LRRC56: variants seen among roughly 807,000 people sequenced by gnomAD.
LRRC56 encodes the protein leucine rich repeat containing 56, also known as leucine-rich repeat-containing protein 56.
LRRC56 carries 41 observed loss-of-function variants against 47.8 expected under a neutral mutation model. The ratio of observed to expected loss-of-function variants is 0.86; its 90% CI spans 0.67 to 1.11. The LOEUF is 1.11. LRRC56 is among the 50% of genes most tolerant of loss of function. The pLI, the probability that LRRC56 is intolerant of heterozygous loss-of-function variation, is 0.00. For synonymous variants in LRRC56, 387 were observed against 311.2 expected (o/e 1.24, Z -2.56); for missense variants, 759 against 704.2 (o/e 1.08, Z -0.88).
At position 551,818 on chromosome 11, in the gene LRRC56, C is replaced by T; in HGVS notation, c.964C>T (p.Leu322Phe). Reference protein sequence around the residue: ...DLAPEDNTSSLTHGAGQVLCG... With the variant: ...DLAPEDNTSSFTHGAGQVLCG... Reference sequence around the variant, plus strand: ...GGCCCCAGAAGATAACACCAGCAGCCTCACCCATGGTAACTGACTTGCCTC... The same window carrying T: ...GGCCCCAGAAGATAACACCAGCAGCTTCACCCATGGTAACTGACTTGCCTC... Residue 322 changes from leucine to phenylalanine, a missense_variant, in exon 10 of 14, where the codon CTC becomes TTC. Leu to Phe is a conservative substitution (Grantham distance 22). Coordinates refer to ENST00000270115, the MANE Select transcript of LRRC56 (RefSeq NM_198075.4). The T allele has an allele frequency of 1.2e-6, 2 of 1,607,130 alleles. No individual in the cohort carries two copies. The highest frequency in any genetic ancestry group is 1.7e-6 in the Non-Finnish European group (2 of 1,176,106).
chr11:541,686 A>G lies in LRRC56; in HGVS notation c.265+62A>G. ...GGCCACGCCTCCCTGTAAACAACAC[A>G]CGTTTCCTGGTTATGACGACAAAGC... On this transcript the variant is annotated intron_variant, in intron 5 of 13. Coordinates refer to ENST00000270115, the MANE Select transcript of LRRC56 (RefSeq NM_198075.4). The surrounding 1 kb of genome is among the most constrained non-coding windows in gnomAD (Gnocchi z 4.1). 9.6e-7 allele frequency: 1 copy of G among 1,041,768 alleles called. No individual in the cohort carries two copies. Among genetic ancestry groups the G allele is most frequent in the South Asian group, 1.6e-5 (1 of 61,864 alleles). The allele number at this position is 1,041,768 out of a possible 1,614,324, so 64.5% of individuals were successfully genotyped here.
the LRRC56 span, among the ~76,000 whole-genome samples, chr11:526,829 G>A: frequency 1.3e-5 from 2 of 151,932 alleles, no homozygotes; most frequent in Admixed American, 1.3e-4. Flanking sequence ...CCCAGCTACT[G>A]GGGAGGCTGA....
chr11:526,330 G>C, the LRRC56 span, among the ~76,000 whole-genome samples: 1 of 152,200 alleles, frequency 6.6e-6, no homozygotes, highest in African/African-American at 2.4e-5. Context: ...CCAGCCAACT[G>C]CAAACTGAAA....
Position 554,489 on chromosome 11 carries a change from G to A in LRRC56, c.*213G>A, listed in dbSNP as rs1852645794. 3 of 450,434 alleles carry A rather than the reference G, an allele frequency of 6.7e-6. No homozygotes were observed. Among genetic ancestry groups the A allele is most frequent in the Non-Finnish European group, 1.2e-5 (3 of 260,742 alleles). 27.9% of individuals were successfully genotyped at this position (450,434 alleles called of 1,614,324 possible). A position where few individuals can be genotyped will look rare whatever the true frequency, so the allele number is the denominator to read the frequency against. ...CAGTTTAGGCCCCCAACTGGGTTTG[G>A]CCTGGGGAGGGAGGGTCCGGCTCCC... On this transcript the variant is annotated 3_prime_UTR_variant, in exon 14 of 14. Coordinates refer to ENST00000270115, the MANE Select transcript of LRRC56 (RefSeq NM_198075.4).
intron 2 of LRRC56, among the ~76,000 whole-genome samples, chr11:539,267 A>G (rs540122831): frequency 6.7e-6 from 1 of 149,570 alleles, no homozygotes; most frequent in Admixed American, 6.7e-5. Context: ...TTGTATCTTT[A>G]GTAGAGATGG....
chr11:530,680 G>A, the LRRC56 span, among the ~76,000 whole-genome samples: 1 of 59,190 alleles, frequency 1.7e-5, no homozygotes. Flanking sequence ...GGAGTGTGGC[G>A]TCCCCTGGAG....
intron 5 of LRRC56, among the ~76,000 whole-genome samples, chr11:543,967 C>T (rs1589807736): frequency 6.6e-6 from 1 of 152,132 alleles, no homozygotes; most frequent in African/African-American, 2.4e-5. Flanking sequence ...CCAGGATGGT[C>T]TCGATCTACT....
chr11:553,518 A>G (rs1852549079), intron 13 of LRRC56, among the ~76,000 whole-genome samples: 2 of 151,998 alleles, frequency 1.3e-5, no homozygotes, highest in South Asian at 2.1e-4. Context: ...GGAGGAGGGG[A>G]GCTGCAGTGG....
chr11:541,710 G>A lies in LRRC56; in HGVS notation c.265+86G>A. 1 of 875,200 alleles carries A rather than the reference G, an allele frequency of 1.1e-6. No individual in the cohort carries two copies. The highest frequency in any genetic ancestry group is 2.8e-5 in the Admixed American group (1 of 35,428). 54.2% of individuals were successfully genotyped at this position (875,200 alleles called of 1,614,324 possible). A position where few individuals can be genotyped will look rare whatever the true frequency, so the allele number is the denominator to read the frequency against. The stretch of plus-strand genomic sequence containing the variant: ...CACGTTTCCTGGTTATGACGACAAA[G>A]CTGTCCTCACCTCTCGGGCCGCGTA... On this transcript the variant is annotated intron_variant, in intron 5 of 13. Transcript: ENST00000270115. This position sits in a 1 kb window ranked among gnomAD's most constrained non-coding sequence, Gnocchi z 4.1.
the LRRC56 span, among the ~76,000 whole-genome samples, chr11:514,663 G>T: frequency 3.3e-5 from 5 of 151,886 alleles, no homozygotes; most frequent in Admixed American, 6.6e-5. Flanking sequence ...AGTGAGGAGT[G>T]GTCAATAAAG....
the LRRC56 span, among the ~76,000 whole-genome samples, chr11:512,324 A>T: frequency 6.6e-6 from 1 of 151,966 alleles, no homozygotes; most frequent in African/African-American, 2.4e-5. Context: ...CAACCTCTGC[A>T]TCCCAGTTCA....
At chr11:543,485 G>T (rs1851907262) in intron 5 of LRRC56, among the ~76,000 whole-genome samples, 1 of 152,184 alleles carries the variant, frequency 6.6e-6, no homozygotes, top group South Asian at 2.1e-4. Flanking sequence ...AAAGTGCTGA[G>T]ATTATAGGTG....
At chr11:518,439 G>A in the LRRC56 span, among the ~76,000 whole-genome samples, 2 of 151,968 alleles carry the variant, frequency 1.3e-5, no homozygotes, top group South Asian at 2.1e-4. Flanking sequence ...CCTCGGCCTC[G>A]CAAAGTGCTT....
chr11:553,735 C>T (rs1024454519), intron 13 of LRRC56, among the ~76,000 whole-genome samples: 1 of 152,218 alleles, frequency 6.6e-6, no homozygotes, highest in African/African-American at 2.4e-5. Flanking sequence ...GGGCCAGAAC[C>T]AGGCTTCGTG....
the LRRC56 span, chr11:506,877 G>A: frequency 3.3e-5 from 5 of 152,278 alleles, no homozygotes; most frequent in Non-Finnish European, 7.3e-5. Flanking sequence ...GCACCGCGAT[G>A]ACGTCCTCAA....
At chr11:508,587 T>G in the LRRC56 span, among the ~76,000 whole-genome samples, 1 of 151,536 alleles carries the variant, frequency 6.6e-6, no homozygotes, top group African/African-American at 2.4e-5. Flanking sequence ...GCCAACGTGG[T>G]GAAACCCCAT....
At chr11:535,502 C>A (rs1361088774), upstream of LRRC56, 2 of 147,768 alleles carry the variant, frequency 1.4e-5, no homozygotes, top group African/African-American at 2.4e-5. Flanking sequence ...TCGCCCCGCG[C>A]ATGGGCTCCG....
the LRRC56 span, among the ~76,000 whole-genome samples, chr11:525,900 CAAAT>C: frequency 3.3e-5 from 5 of 150,728 alleles, no homozygotes; most frequent in East Asian, 2.0e-4. Flanking sequence ...CTGTCTCCAA[CAAAT>C]AAATAAATAG....
At chr11:533,965 G>A (rs1211918044), upstream of LRRC56, 2 of 1,607,280 alleles carry the variant, frequency 1.2e-6, no homozygotes, top group Admixed American at 1.7e-5. Flanking sequence ...ACAGGGCTCA[G>A]GGACCCCCTC....
Sources: allele counts gnomAD v4.1 joint callset (sites outside exome capture counted in the v4.1 genomes callset), GRCh38; gene constraint gnomAD v4.1.1; non-coding constraint Gnocchi (gnomAD v3.1); transcripts MANE v1.5; gene names NCBI Gene and HGNC (gene_info 2026-07-23, HGNC 2026-07-21).